Variants in SMARCA2 observed in about 807,000 individuals in gnomAD.
SMARCA2 encodes the protein SWI/SNF-related matrix-associated actin-dependent regulator of chromatin subfamily A member 2.
Under a neutral mutation model 199.8 loss-of-function variants are expected in SMARCA2, and 61 were observed. That is an observed-to-expected ratio of 0.31 (90% CI 0.25 to 0.38). The LOEUF (loss-of-function observed/expected upper bound fraction) is 0.38, where lower values mean the gene tolerates loss of function less well. Among genes scored for constraint, SMARCA2 ranks in the 10% least tolerant of loss-of-function variants. The pLI is 1.00. For missense variants in SMARCA2, 1,344 were observed against 2,012.2 expected (o/e 0.67, Z 6.35); for synonymous variants, 935 against 732.0 (o/e 1.28, Z -4.48).
In SMARCA2 at chr9:2,192,991, G is replaced by C. The variant is rs1460720247; in HGVS notation, c.*252G>C. ...AGATTGAAACAAACAAAAAGCTTTTGATGGAAAATATGTGGGTGGATAGTA... is the reference window on the plus strand; with the variant it reads ...AGATTGAAACAAACAAAAAGCTTTTCATGGAAAATATGTGGGTGGATAGTA... On this transcript the variant is annotated 3_prime_UTR_variant, in exon 34 of 34. Coordinates refer to ENST00000349721, the MANE Select transcript of SMARCA2 (RefSeq NM_003070.5). 1 of 464,788 alleles carries C rather than the reference G, an allele frequency of 2.2e-6. No homozygotes were observed. Among genetic ancestry groups the C allele is most frequent in the Non-Finnish European group, 3.8e-6 (1 of 264,306 alleles). 28.8% of individuals were successfully genotyped at this position (464,788 alleles called of 1,614,324 possible). A position where few individuals can be genotyped will look rare whatever the true frequency, so the allele number is the denominator to read the frequency against.
Position 2,119,554 on chromosome 9 carries a change from A to C in SMARCA2, c.3762+19A>C. The C allele has an allele frequency of 2.0e-6, 3 of 1,508,796 alleles. No homozygotes were observed. The highest frequency in any genetic ancestry group is 2.8e-6 in the Non-Finnish European group (3 of 1,084,412). 93.5% of individuals were successfully genotyped at this position (1,508,796 alleles called of 1,614,324 possible). A position where few individuals can be genotyped will look rare whatever the true frequency, so the allele number is the denominator to read the frequency against. On this transcript the variant is annotated intron_variant, in intron 26 of 33. Transcript: ENST00000349721. The surrounding 1 kb of genome is among the most constrained non-coding windows in gnomAD (Gnocchi z 4.6). ...TTTTATGGTAATGTTACAGAAAATC[A>C]TGAACACAAATGCTTTATACCTCTG...
At chr9:2,077,476 G>C (rs1052227395) in intron 13 of SMARCA2, among the ~76,000 whole-genome samples, 153 bp from the exon 14 acceptor site, 3 of 152,200 alleles carry the variant, frequency 2.0e-5, no homozygotes, top group Non-Finnish European at 4.4e-5. Flanking sequence ...GAGGATTACA[G>C]ATAGTGTATA....
At position 2,076,240 on chromosome 9, in the gene SMARCA2, A is replaced by C; in HGVS notation, c.1947A>C (p.Glu649Asp). 1.3e-6 allele frequency: 2 copies of C among 1,595,938 alleles called. No individual in the cohort carries two copies. The highest frequency in any genetic ancestry group is 1.7e-6 in the Non-Finnish European group (2 of 1,163,654). Reference protein sequence around the residue: ...DSDYEEEDEEEESSRQETEEK... With the variant: ...DSDYEEEDEEDESSRQETEEK... ...TGTTCCTTTTCCAGGATGAGGAAGA[A>C]GAGTCCAGTAGGCAGGAAACCGAAG... The change falls in exon 13 of 34, where the codon GAA becomes GAC. Residue 649 changes from glutamate to aspartate, a missense_variant. This residue lies in a region of SMARCA2 where 106 missense variants were observed against 179.7 expected (regional missense o/e 0.59). Transcript: ENST00000349721.
rs994044913 is a variant in SMARCA2, at chr9:2,115,642, A to G, written c.3457-180A>G. On this transcript the variant is annotated intron_variant, in intron 24 of 33. Coordinates refer to ENST00000349721, the MANE Select transcript of SMARCA2 (RefSeq NM_003070.5). This position sits in a 1 kb window ranked among gnomAD's most constrained non-coding sequence, Gnocchi z 6.0. ...GTTAATTTCAACCCAGGTTTCTTCA[A>G]CTAGGAATGACACTGAATTTTTCCA... Among the ~76,000 whole-genome samples the G allele has an allele frequency of 1.3e-5, 2 of 152,190 alleles. No homozygotes were observed. The highest frequency in any genetic ancestry group is 4.8e-5 in the African/African-American group (2 of 41,446).
intron 9 of SMARCA2, among the ~76,000 whole-genome samples, chr9:2,062,021 A>G (rs893208838): frequency 6.6e-6 from 1 of 152,168 alleles, no homozygotes; most frequent in South Asian, 2.1e-4. Flanking sequence ...TCAGTGTAGC[A>G]TTATAGACTG....
At chr9:2,048,267 A>G (rs1819967203) in intron 5 of SMARCA2, among the ~76,000 whole-genome samples, 1 of 152,198 alleles carries the variant, frequency 6.6e-6, no homozygotes, top group African/African-American at 2.4e-5. Flanking sequence ...TTAAGTCAAG[A>G]TAAAATGAAG....
intron 21 of SMARCA2, among the ~76,000 whole-genome samples, chr9:2,098,930 AC>A (rs1316349249): frequency 6.6e-6 from 1 of 151,102 alleles, no homozygotes; most frequent in Non-Finnish European, 1.5e-5. Context: ...CTGAGTGACA[AC>A]AGCGAAACTC....
At chr9:2,183,225 C>G (rs895172567) in intron 31 of SMARCA2, among the ~76,000 whole-genome samples, 2 of 152,114 alleles carry the variant, frequency 1.3e-5, no homozygotes, top group East Asian at 3.8e-4. Flanking sequence ...TCTGATTGTA[C>G]TCTTGGATCA....
At chr9:2,099,102 G>C (rs1380591626) in intron 21 of SMARCA2, among the ~76,000 whole-genome samples, 1 of 152,140 alleles carries the variant, frequency 6.6e-6, no homozygotes, top group Admixed American at 6.5e-5. Flanking sequence ...TTTGTAAACA[G>C]GGGTAATAAT....
intron 28 of SMARCA2, among the ~76,000 whole-genome samples, chr9:2,167,039 G>T (rs925255455): frequency 1.3e-5 from 2 of 152,156 alleles, no homozygotes; most frequent in African/African-American, 2.4e-5. Context: ...TTTACCAAGG[G>T]TCAACATGAA....
chr9:2,067,479 C>T (rs910938443), intron 9 of SMARCA2, among the ~76,000 whole-genome samples: 1 of 152,188 alleles, frequency 6.6e-6, no homozygotes, highest in African/African-American at 2.4e-5. Context: ...CTCGGACTAT[C>T]GTTGACCCTT....
chr9:2,171,884 A>G (rs1459810456), intron 29 of SMARCA2, among the ~76,000 whole-genome samples: 1 of 152,228 alleles, frequency 6.6e-6, no homozygotes, highest in East Asian at 1.9e-4. Context: ...AAGTAGATCA[A>G]TAACTTTAAA....
intron 16 of SMARCA2, among the ~76,000 whole-genome samples, chr9:2,083,785 A>G (rs1002116166): frequency 3.9e-5 from 6 of 152,240 alleles, no homozygotes; most frequent in Admixed American, 1.3e-4. Context: ...TACTTTCTCA[A>G]CAGAACTGGA....
At chr9:2,068,622 A>G (rs1450058918) in intron 9 of SMARCA2, among the ~76,000 whole-genome samples, 1 of 152,228 alleles carries the variant, frequency 6.6e-6, no homozygotes, top group Non-Finnish European at 1.5e-5. Context: ...AGTTGAGTTC[A>G]TATTGATTCT....
At chr9:2,053,282 A>G (rs182858208) in intron 5 of SMARCA2, among the ~76,000 whole-genome samples, 20 of 152,300 alleles carry the variant, frequency 1.3e-4, no homozygotes, top group Admixed American at 8.5e-4. Flanking sequence ...AGCTGCATCC[A>G]TGTTGCTGCA....
chr9:2,077,475 A>T (rs1821377930), intron 13 of SMARCA2, among the ~76,000 whole-genome samples, 154 bp from the exon 14 acceptor site: 1 of 152,234 alleles, frequency 6.6e-6, no homozygotes, highest in African/African-American at 2.4e-5. Flanking sequence ...AGAGGATTAC[A>T]GATAGTGTAT....
At position 2,138,169 on chromosome 9, in the gene SMARCA2, AAAC is replaced by A. The variant is rs199875947; in HGVS notation, c.3981+14247_3981+14249del. Among the ~76,000 whole-genome samples the A allele has an allele frequency of 2.4e-4, 31 of 129,874 alleles. No homozygotes were observed. The East Asian group carries it at 3.3e-3, about 14-fold the overall frequency. The allele number at this position is 129,874 out of a possible 152,430, so 85.2% of individuals were successfully genotyped here. A position where few individuals can be genotyped will look rare whatever the true frequency, so the allele number is the denominator to read the frequency against. ...TGAGCCTTCTAATTTCTTCAGCAAA[AAAC>A]AACAACAACAACAAAAAAAAAACAG... On this transcript the variant is annotated intron_variant, in intron 27 of 33. Transcript: ENST00000349721.
At position 2,070,869 on chromosome 9, in the gene SMARCA2, A is replaced by G. The variant is rs531610194; in HGVS notation, c.1746+398A>G. Among the ~76,000 whole-genome samples the G allele has an allele frequency of 1.3e-4, 20 of 152,374 alleles. No individual in the cohort carries two copies. The East Asian group carries it at 3.9e-3, about 29-fold the overall frequency. ...TTAATTTGAAATTATAAAAATACAT[A>G]AACTAAAGAAGTCACATATTTGGTT... On this transcript the variant is annotated intron_variant, in intron 10 of 33. Transcript: ENST00000349721.
At chr9:2,041,898 C>T (rs573565418) in intron 4 of SMARCA2, 1 of 152,458 alleles carries the variant, frequency 6.6e-6, no homozygotes, top group East Asian at 1.9e-4. Flanking sequence ...TGCTGGCCTA[C>T]TCATGTGCCA....
Sources: allele counts gnomAD v4.1 joint callset (sites outside exome capture counted in the v4.1 genomes callset), GRCh38; gene constraint gnomAD v4.1.1; regional missense constraint gnomAD v4.1.1; non-coding constraint Gnocchi (gnomAD v3.1); transcripts MANE v1.5; gene names NCBI Gene and HGNC (gene_info 2026-07-23, HGNC 2026-07-21).